The following UGT1A5 variants were observed in gnomAD, a reference collection of about 807,000 sequenced individuals.
The protein encoded by UGT1A5 is UDP glucuronosyltransferase family 1 member A5, also known as UDP-glucuronosyltransferase 1A5.
In UGT1A5, 29 loss-of-function variants were observed where a neutral mutation model predicts 40.3. That is an observed-to-expected ratio of 0.72 (90% CI 0.54 to 0.98). The LOEUF (loss-of-function observed/expected upper bound fraction) is 0.98, where lower values mean the gene tolerates loss of function less well. Ranked by LOEUF, UGT1A5 falls within the 50% of genes least tolerant of loss-of-function variation. UGT1A5 has a pLI of 0.00. For synonymous variants in UGT1A5, 257 were observed against 262.5 expected (o/e 0.98, Z 0.20); for missense variants, 678 against 677.9 (o/e 1.00, Z 0.00).
chr2:233,739,660 T>G (rs1471154099), intron 1 of UGT1A5, among the ~76,000 whole-genome samples: 1 of 152,216 alleles, frequency 6.6e-6, no homozygotes, highest in Non-Finnish European at 1.5e-5. Flanking sequence ...TGTACCCCCA[T>G]TGTGTCTTGG....
chr2:233,747,876 T>C, intron 1 of UGT1A5: 1 of 1,613,612 alleles, frequency 6.2e-7, no homozygotes, highest in South Asian at 1.1e-5. Context: ...GGCCCTGTCC[T>C]ACCTTTGCCA....
At chr2:233,754,577 C>T (rs1133490) in intron 1 of UGT1A5, 2 of 424,484 alleles carry the variant, frequency 4.7e-6, no homozygotes, top group Non-Finnish European at 9.4e-6. Context: ...TGCTCTATGC[C>T]GTTTATTATG....
intron 4 of UGT1A5, chr2:233,771,059 G>A (rs1001475755): frequency 6.6e-6 from 1 of 152,046 alleles, no homozygotes; most frequent in Non-Finnish European, 1.5e-5. Flanking sequence ...TTTAATGACC[G>A]GCTCTCACAA....
chr2:233,725,910 A>G (rs538515194), intron 1 of UGT1A5, among the ~76,000 whole-genome samples: 2 of 152,318 alleles, frequency 1.3e-5, no homozygotes, highest in East Asian at 3.9e-4. Context: ...TCACACCTGC[A>G]ATTTCAGCCC....
rs1333719360 is a variant in UGT1A5, at chr2:233,772,369, C to T, written c.1415C>T (p.Ala472Val). 23 of 1,614,110 alleles carry T rather than the reference C, an allele frequency of 1.4e-5. No homozygotes were observed. Among genetic ancestry groups the T allele is most frequent in the African/African-American group, 8.0e-5 (6 of 74,934 alleles). ...GAGTTTGTGATGAGGCACAAGGGCG[C>T]GCCACACCTGCGCCCCGCAGCCCAC... Reference protein sequence around the residue: ...WVEFVMRHKGAPHLRPAAHDL... With the variant: ...WVEFVMRHKGVPHLRPAAHDL... Residue 472 changes from alanine to valine, a missense_variant, in exon 5 of 5, where the codon GCG (alanine) becomes GTG (valine). By Grantham distance (64) the Ala-to-Val change is moderately conservative. Transcript: ENST00000373414.
At chr2:233,726,995 G>T (rs1214460784) in intron 1 of UGT1A5, among the ~76,000 whole-genome samples, 3 of 152,034 alleles carry the variant, frequency 2.0e-5, no homozygotes, top group African/African-American at 4.8e-5. Flanking sequence ...GTTCTTTCTA[G>T]CAAAGTTTTA....
chr2:233,744,539 T>C (rs1692841530), intron 1 of UGT1A5, among the ~76,000 whole-genome samples: 1 of 151,924 alleles, frequency 6.6e-6, no homozygotes, highest in African/African-American at 2.4e-5. Flanking sequence ...TTTATGTAAA[T>C]TTTATTAAGA....
intron 1 of UGT1A5, among the ~76,000 whole-genome samples, chr2:233,751,914 C>A (rs1246513527): frequency 6.6e-6 from 1 of 152,060 alleles, no homozygotes; most frequent in Non-Finnish European, 1.5e-5. Context: ...CAGACTAATA[C>A]AAGATTGGTG....
intron 1 of UGT1A5, among the ~76,000 whole-genome samples, chr2:233,763,945 G>A (rs1405755046): frequency 6.6e-6 from 1 of 152,190 alleles, no homozygotes; most frequent in Non-Finnish European, 1.5e-5. Context: ...GGAAAGCTTG[G>A]GAGCAGGGAA....
In UGT1A5 at chr2:233,767,076, G is replaced by A. The variant is rs770930440; in HGVS notation, c.910G>A (p.Val304Met). The A allele has an allele frequency of 8.1e-6, 13 of 1,614,020 alleles. No individual in the cohort carries two copies. The highest frequency in any genetic ancestry group is 1.6e-4 in the Middle Eastern group (1 of 6,082). ...TAATGCTTCTGGAGAACATGGAATT[G>A]TGGTTTTCTCTTTGGGATCAATGGT... is the stretch of plus-strand genomic sequence containing the variant. ...YINASGEHGI[V>M]VFSLGSMVSE... is the part of the protein sequence containing the mutation. The change falls in exon 2 of 5, where the codon GTG becomes ATG. Residue 304 changes from valine (V) to methionine (M), a missense_variant. Val to Met is a conservative substitution (Grantham distance 21). Coordinates refer to ENST00000373414, the MANE Select transcript of UGT1A5 (RefSeq NM_019078.2).
At chr2:233,768,516 G>A (rs188739654) in intron 4 of UGT1A5, 77 bp downstream of exon 4, 153 of 1,549,320 alleles carry the variant, frequency 9.9e-5, no homozygotes, top group Non-Finnish European at 1.2e-4. Context: ...AAACATTTAC[G>A]TAGCATTTAA....
rs1035578503 is a variant in UGT1A5 at position 233,760,453 on chromosome 2, G to C, written c.868-6581G>C. 3 of 1,614,120 alleles carry C rather than the reference G, an allele frequency of 1.9e-6. No individual in the cohort carries two copies. The African/African-American group carries it at 4.0e-5, about 22-fold the overall frequency. ...CCAGCAGCTGCAGCAGAGGGGACAT[G>C]AAATAGTTGTCCTAGCACCTGACGC... On this transcript the variant is annotated intron_variant, in intron 1 of 4. Transcript: ENST00000373414.
chr2:233,727,430 A>C (rs1214577607), intron 1 of UGT1A5, among the ~76,000 whole-genome samples: 1 of 152,124 alleles, frequency 6.6e-6, no homozygotes, highest in African/African-American at 2.4e-5. Flanking sequence ...GGAGTCCCAG[A>C]CATGTGACAA....
intron 1 of UGT1A5, chr2:233,729,534 C>T (rs1281653425): frequency 6.2e-7 from 1 of 1,614,090 alleles, no homozygotes; most frequent in Non-Finnish European, 8.5e-7. Context: ...ATAATGAGGC[C>T]CTGATCAGGC....
chr2:233,723,392 T>C (rs1199723178), intron 1 of UGT1A5, among the ~76,000 whole-genome samples: 1 of 129,940 alleles, frequency 7.7e-6, no homozygotes, highest in Non-Finnish European at 1.6e-5. Context: ...GTACTTTTAG[T>C]AGAGATGGGG....
chr2:233,743,960 G>C (rs745723342), intron 1 of UGT1A5: 11 of 1,334,214 alleles, frequency 8.2e-6, no homozygotes, highest in Non-Finnish European at 1.1e-5. Flanking sequence ...CACAGCGAGC[G>C]GCAAGGCTGC....
intron 1 of UGT1A5, chr2:233,743,801 T>C (rs1692515723): frequency 1.5e-6 from 2 of 1,367,278 alleles, no homozygotes; most frequent in Non-Finnish European, 2.0e-6. Context: ...CGCTTCCTCC[T>C]TGTTCTCAGG....
intron 1 of UGT1A5, among the ~76,000 whole-genome samples, chr2:233,745,477 A>G (rs1693119079): frequency 6.6e-6 from 1 of 151,704 alleles, no homozygotes; most frequent in African/African-American, 2.4e-5. Context: ...AAAATGATTA[A>G]CCAAAGAACA....
At chr2:233,752,938 T>A (rs1691143472) in intron 1 of UGT1A5, among the ~76,000 whole-genome samples, 2 of 152,262 alleles carry the variant, frequency 1.3e-5, no homozygotes, top group South Asian at 4.1e-4. Flanking sequence ...CACTCTTTGC[T>A]GACCACTGAA....
Sources: gnomAD v4.1 joint callset for allele counts (sites outside exome capture counted in the v4.1 genomes callset) on GRCh38, gnomAD v4.1.1 for gene constraint, MANE v1.5 for transcripts, NCBI Gene and HGNC (gene_info 2026-07-23, HGNC 2026-07-21) for gene names.